GRIK2: variants seen among roughly 807,000 people sequenced by gnomAD.
The protein encoded by GRIK2 is glutamate ionotropic receptor kainate type subunit 2.
Under a neutral mutation model 100.3 loss-of-function variants are expected in GRIK2, and 32 were observed. The ratio of observed to expected loss-of-function variants is 0.32; its 90% CI spans 0.24 to 0.43. The LOEUF is 0.43. Among genes scored for constraint, GRIK2 ranks in the 20% least tolerant of loss-of-function variants. The pLI is 1.00. For missense variants in GRIK2, 843 were observed against 1,114.9 expected, an observed-to-expected ratio of 0.76 and a Z score of 3.47; for synonymous variants, 417 against 389.4, an observed-to-expected ratio of 1.07 and a Z score of -0.83.
intron 2 of GRIK2, among the ~76,000 whole-genome samples, chr6:101,539,285 CAT>C (rs1489784243): frequency 3.3e-5 from 5 of 151,602 alleles, no homozygotes; most frequent in Admixed American, 2.0e-4. Context: ...ATAGCAGAAA[CAT>C]AAATATTTGG....
At chr6:101,943,998 G>C (rs1407553497) in intron 14 of GRIK2, among the ~76,000 whole-genome samples, 2 of 152,132 alleles carry the variant, frequency 1.3e-5, no homozygotes, top group Admixed American at 1.3e-4. Flanking sequence ...TGTTTTGAAG[G>C]AGGGGCCTGG....
At chr6:101,715,354 C>T (rs1275048277) in intron 7 of GRIK2, among the ~76,000 whole-genome samples, 1 of 151,718 alleles carries the variant, frequency 6.6e-6, no homozygotes, top group Non-Finnish European at 1.5e-5. Context: ...CCCACCTGAA[C>T]TGAAGCAAGT....
chr6:102,031,101 ACACACACACACACACACACACACACACC>A lies in GRIK2; in HGVS notation c.2086-4238_2086-4211del, dbSNP rs1288665682. 1.2e-4 allele frequency among the ~76,000 whole-genome samples: 16 copies of A among 139,124 alleles called. 1 individual carries two copies. Among genetic ancestry groups the A allele is most frequent in the African/African-American group, 3.3e-4 (13 of 39,368 alleles). The allele number at this position is 139,124 out of a possible 152,430, so 91.3% of individuals were successfully genotyped here. On this transcript the variant is annotated intron_variant, in intron 14 of 16. Transcript: ENST00000369134. ...TACACACACACACACACACACACACACACACACACACACACACACACACACACCCCCTTTGAGTTTCTGGATGTCTTTC... is the reference window on the plus strand; with the variant it reads ...TACACACACACACACACACACACACACCCTTTGAGTTTCTGGATGTCTTTC...
intron 2 of GRIK2, among the ~76,000 whole-genome samples, chr6:101,509,727 A>G (rs1453342480): frequency 1.3e-5 from 2 of 152,200 alleles, no homozygotes; most frequent in African/African-American, 4.8e-5. Flanking sequence ...CATCAAGGGT[A>G]TTCATAATCA....
At chr6:101,641,577 C>T (rs943320988) in intron 4 of GRIK2, among the ~76,000 whole-genome samples, 3 of 151,430 alleles carry the variant, frequency 2.0e-5, no homozygotes, top group Admixed American at 1.3e-4. Context: ...AGAAATTCAG[C>T]GAAGAGACTA....
chr6:102,047,446 T>C (rs1015531075), intron 15 of GRIK2, among the ~76,000 whole-genome samples: 1 of 152,064 alleles, frequency 6.6e-6, no homozygotes, highest in African/African-American at 2.4e-5. Flanking sequence ...GAAGAATTAA[T>C]ATTGTTAAAA....
rs148757941 is a variant in GRIK2, at chr6:102,027,741, G to T, written c.2086-7600G>T. ...CTTTTAGACAGTCAGGTTCATAAAA[G>T]CAAGTTCAATGAGCATAAGATGGTT... is the stretch of plus-strand genomic sequence containing the variant. On this transcript the variant is annotated intron_variant, in intron 14 of 16. Transcript: ENST00000369134. 8.3e-4 allele frequency among the ~76,000 whole-genome samples: 126 copies of T among 151,152 alleles called. 1 individual carries two copies. The highest frequency in any genetic ancestry group is 2.8e-3 in the African/African-American group (114 of 41,406).
At chr6:101,814,678 G>A (rs1296098806) in intron 9 of GRIK2, among the ~76,000 whole-genome samples, 1 of 152,082 alleles carries the variant, frequency 6.6e-6, no homozygotes, top group Non-Finnish European at 1.5e-5. Context: ...TCTGTGCTCA[G>A]TCATTCTAAT....
chr6:101,565,915 T>TTATCTATA (rs1777235028), intron 2 of GRIK2, among the ~76,000 whole-genome samples: 1 of 123,338 alleles, frequency 8.1e-6, no homozygotes, highest in Non-Finnish European at 1.6e-5. Flanking sequence ...TATACCTATT[T>TTATCTATA]TATATATATA....
intron 15 of GRIK2, among the ~76,000 whole-genome samples, chr6:102,051,546 T>A (rs558906159): frequency 2.9e-4 from 44 of 152,260 alleles, no homozygotes; most frequent in East Asian, 9.7e-4. Flanking sequence ...CTGAATTTTT[T>A]AAAATAATTT....
At chr6:101,845,146 A>C (rs1173552059) in intron 10 of GRIK2, among the ~76,000 whole-genome samples, 1 of 152,022 alleles carries the variant, frequency 6.6e-6, no homozygotes, top group African/African-American at 2.4e-5. Flanking sequence ...CAGCCTCCCA[A>C]GTAGCTAGGA....
chr6:101,437,050 T>C (rs940056398), intron 2 of GRIK2, among the ~76,000 whole-genome samples: 1 of 151,532 alleles, frequency 6.6e-6, no homozygotes, highest in Non-Finnish European at 1.5e-5. Context: ...ATTTATACTA[T>C]TTTGTAAACA....
chr6:101,676,538 C>T, intron 4 of GRIK2, 85 bp from the exon 5 acceptor site: 1 of 736,888 alleles, frequency 1.4e-6, no homozygotes, highest in Non-Finnish European at 2.1e-6. Flanking sequence ...GAAAATTATA[C>T]ATTCTAATGA....
At chr6:101,679,096 T>G (rs1582946021) in intron 5 of GRIK2, among the ~76,000 whole-genome samples, 1 of 152,114 alleles carries the variant, frequency 6.6e-6, no homozygotes, top group East Asian at 1.9e-4. Context: ...ACAAGGACAT[T>G]CTATCACAGG....
At chr6:101,601,281 A>G (rs1024235675) in intron 2 of GRIK2, among the ~76,000 whole-genome samples, 12 of 151,842 alleles carry the variant, frequency 7.9e-5, no homozygotes, top group African/African-American at 2.9e-4. Flanking sequence ...TCAGGAATGA[A>G]CCTTACTTGA....
intron 11 of GRIK2, among the ~76,000 whole-genome samples, chr6:101,875,845 T>A (rs1785794628): frequency 6.6e-6 from 1 of 151,968 alleles, no homozygotes; most frequent in Admixed American, 6.6e-5. Flanking sequence ...TGCTGACATC[T>A]GCTATTATAT....
intron 14 of GRIK2, among the ~76,000 whole-genome samples, chr6:101,977,996 A>G (rs1203881009): frequency 6.6e-6 from 1 of 151,990 alleles, no homozygotes; most frequent in Non-Finnish European, 1.5e-5. Context: ...TGTAGAAGAA[A>G]AAAAGTGGTT....
intron 10 of GRIK2, among the ~76,000 whole-genome samples, chr6:101,857,049 G>A (rs574530845): frequency 6.6e-6 from 1 of 152,180 alleles, no homozygotes; most frequent in East Asian, 1.9e-4. Context: ...AGCAATTGTA[G>A]AGAGAGAGAG....
intron 4 of GRIK2, among the ~76,000 whole-genome samples, chr6:101,657,047 T>G (rs1769240603): frequency 6.6e-6 from 1 of 152,232 alleles, no homozygotes; most frequent in Admixed American, 6.5e-5. Flanking sequence ...CAGGTGGGGC[T>G]GACAATATTT....
Sources: gnomAD v4.1 joint callset for allele counts (sites outside exome capture counted in the v4.1 genomes callset) on GRCh38, gnomAD v4.1.1 for gene constraint, MANE v1.5 for transcripts, NCBI Gene and HGNC (gene_info 2026-07-23, HGNC 2026-07-21) for gene names.